The following MAP2K4 variants were observed in gnomAD, a reference collection of about 807,000 sequenced individuals.
MAP2K4 encodes the protein mitogen-activated protein kinase kinase 4, also known as dual specificity mitogen-activated protein kinase kinase 4.
In MAP2K4, 4 loss-of-function variants were observed where a neutral mutation model predicts 48.5. That is an observed-to-expected ratio of 0.08 (90% CI 0.04 to 0.19). The LOEUF (loss-of-function observed/expected upper bound fraction) is 0.19. Ranked by LOEUF, MAP2K4 falls within the 10% of genes least tolerant of loss-of-function variation. The pLI is 1.00. For missense variants in MAP2K4, 258 were observed against 493.3 expected, an observed-to-expected ratio of 0.52 and a Z score of 4.52; for synonymous variants, 166 against 173.1, an observed-to-expected ratio of 0.96 and a Z score of 0.32.
At chr17:12,087,714 ATTCT>A (rs775468600) in intron 3 of MAP2K4, among the ~76,000 whole-genome samples, 20 of 152,180 alleles carry the variant, frequency 1.3e-4, no homozygotes, top group Non-Finnish European at 2.2e-4. Flanking sequence ...AAGAATTAGC[ATTCT>A]TTCTTCTGCC....
chr17:12,055,856 A>C (rs1567636328), intron 2 of MAP2K4, among the ~76,000 whole-genome samples: 2 of 152,118 alleles, frequency 1.3e-5, no homozygotes, highest in Non-Finnish European at 2.9e-5. Context: ...TTGTAGCCTT[A>C]GAGGGAATGA....
At chr17:12,036,346 A>G (rs537927925) in intron 1 of MAP2K4, 2 of 152,330 alleles carry the variant, frequency 1.3e-5, no homozygotes, top group South Asian at 2.1e-4. Context: ...TTATTTGAAG[A>G]TAATGTTTTT....
chr17:12,118,262 A>G (rs1393905500), intron 7 of MAP2K4, among the ~76,000 whole-genome samples: 1 of 152,156 alleles, frequency 6.6e-6, no homozygotes, highest in South Asian at 2.1e-4. Flanking sequence ...CCAGAAAGAC[A>G]CTACAGCTGA....
chr17:12,059,889 A>G (rs1970396092), intron 2 of MAP2K4, among the ~76,000 whole-genome samples: 1 of 152,216 alleles, frequency 6.6e-6, no homozygotes. Flanking sequence ...CTTAGAATTA[A>G]TGACGAGGCC....
chr17:12,069,476 G>A (rs1970718379), intron 2 of MAP2K4, among the ~76,000 whole-genome samples: 2 of 152,094 alleles, frequency 1.3e-5, no homozygotes, highest in South Asian at 4.1e-4. Context: ...TTTCTGTGGT[G>A]ATAAAACATT....
At chr17:12,028,574 A>G (rs1969332908) in intron 1 of MAP2K4, among the ~76,000 whole-genome samples, 2 of 152,236 alleles carry the variant, frequency 1.3e-5, no homozygotes, top group African/African-American at 4.8e-5. Context: ...TGAAGTTGGA[A>G]GTTTGAAGGT....
At chr17:12,130,263 T>C (rs762323503) in intron 9 of MAP2K4, among the ~76,000 whole-genome samples, 13 of 152,150 alleles carry the variant, frequency 8.5e-5, no homozygotes, top group Non-Finnish European at 1.6e-4. Context: ...AATTCTACTT[T>C]TGTGTTGGTT....
chr17:12,073,204 T>A (rs533314233), intron 2 of MAP2K4, among the ~76,000 whole-genome samples: 4 of 152,286 alleles, frequency 2.6e-5, no homozygotes, highest in Non-Finnish European at 5.9e-5. Flanking sequence ...CTTCATCCCT[T>A]TTCATGTTCA....
chr17:12,038,867 T>G (rs1969688796), intron 1 of MAP2K4, among the ~76,000 whole-genome samples: 2 of 152,150 alleles, frequency 1.3e-5, no homozygotes, highest in South Asian at 4.1e-4. Flanking sequence ...TAAACCTTAG[T>G]GTTTTACTAA....
At chr17:12,021,212 G>A (rs1323750391) in intron 1 of MAP2K4, 4 of 321,224 alleles carry the variant, frequency 1.2e-5, no homozygotes, top group Non-Finnish European at 2.3e-5. Context: ...CCCCGGCCGC[G>A]GCCTCTGCCT....
intron 2 of MAP2K4, among the ~76,000 whole-genome samples, chr17:12,079,299 A>T (rs1242973195): frequency 6.6e-6 from 1 of 152,252 alleles, no homozygotes; most frequent in Non-Finnish European, 1.5e-5. Flanking sequence ...CATAATACTA[A>T]AATTTGATCT....
At chr17:12,069,922 TA>T (rs1970740203) in intron 2 of MAP2K4, 1 of 103,360 alleles carries the variant, frequency 9.7e-6, no homozygotes. Flanking sequence ...TATATATATA[TA>T]TATATATATA....
chr17:12,082,403 TC>T (rs1567650283), intron 3 of MAP2K4, among the ~76,000 whole-genome samples: 1 of 152,184 alleles, frequency 6.6e-6, no homozygotes, highest in African/African-American at 2.4e-5. Flanking sequence ...AGCTTAAAAT[TC>T]CTATGGGAAC....
intron 1 of MAP2K4, among the ~76,000 whole-genome samples, chr17:12,046,251 G>A (rs1020756282): frequency 6.6e-6 from 1 of 152,170 alleles, no homozygotes; most frequent in African/African-American, 2.4e-5. Flanking sequence ...TTCTCAGAGT[G>A]GTTGTGTAAT....
chr17:12,084,955 A>G, intron 3 of MAP2K4, among the ~76,000 whole-genome samples: 1 of 152,156 alleles, frequency 6.6e-6, no homozygotes, highest in South Asian at 2.1e-4. Context: ...CACAGCTTAG[A>G]CCATGGGCTT....
intron 8 of MAP2K4, 53 bp from the exon 9 acceptor site, chr17:12,129,086 G>C: frequency 6.3e-7 from 1 of 1,584,496 alleles, no homozygotes; most frequent in South Asian, 1.1e-5. Flanking sequence ...TTCCAGTGGG[G>C]AGTAGTAAAT....
At chr17:12,035,718 G>T (rs1234976275) in intron 1 of MAP2K4, among the ~76,000 whole-genome samples, 1 of 152,156 alleles carries the variant, frequency 6.6e-6, no homozygotes, top group Non-Finnish European at 1.5e-5. Context: ...GTAGTTGTAG[G>T]AGGGTATGGG....
Position 12,143,005 on chromosome 17 carries a change from C to G in MAP2K4, c.*1745C>G. 1 of 232,984 alleles carries G rather than the reference C, an allele frequency of 4.3e-6. No individual in the cohort carries two copies. Among genetic ancestry groups the G allele is most frequent in the African/African-American group, 2.2e-5 (1 of 45,452 alleles). 14.4% of individuals were successfully genotyped at this position (232,984 alleles called of 1,614,324 possible). A position where few individuals can be genotyped will look rare whatever the true frequency, so the allele number is the denominator to read the frequency against. On this transcript the variant is annotated 3_prime_UTR_variant, in exon 11 of 11. Coordinates refer to ENST00000353533, the MANE Select transcript of MAP2K4 (RefSeq NM_003010.4). ...AAGGGAGAATGGTGCTGTTTAAAGTCACATCCCTGTAAATTGCAGAATTCA... is the reference window on the plus strand; with the variant it reads ...AAGGGAGAATGGTGCTGTTTAAAGTGACATCCCTGTAAATTGCAGAATTCA...
At chr17:12,093,390 T>C (rs769205291) in intron 3 of MAP2K4, among the ~76,000 whole-genome samples, 128 of 152,178 alleles carry the variant, frequency 8.4e-4, no homozygotes, top group Non-Finnish European at 1.6e-3. Flanking sequence ...GTTAGGCCTT[T>C]AGATCATGTA....
Sources: gnomAD v4.1 joint callset for allele counts (sites outside exome capture counted in the v4.1 genomes callset) on GRCh38, gnomAD v4.1.1 for gene constraint, MANE v1.5 for transcripts, NCBI Gene and HGNC (gene_info 2026-07-23, HGNC 2026-07-21) for gene names.